ZNF565: variants seen among roughly 807,000 people sequenced by gnomAD.
The protein encoded by ZNF565 is zinc finger protein 565.
Under a neutral mutation model 39.4 loss-of-function variants are expected in ZNF565, and 27 were observed. The ratio of observed to expected loss-of-function variants is 0.69; its 90% confidence interval spans 0.51 to 0.95. The LOEUF is 0.95. Ranked by LOEUF, ZNF565 falls within the 40% of genes least tolerant of loss-of-function variation. The pLI is 0.00. For synonymous variants in ZNF565, 185 were observed against 216.6 expected (o/e 0.85, Z 1.28); for missense variants, 524 against 621.1 (o/e 0.84, Z 1.66).
chr19:36,240,837 T>C (rs1477298658), intron 1 of ZNF565, among the ~76,000 whole-genome samples: 2 of 150,672 alleles, frequency 1.3e-5, no homozygotes, highest in Non-Finnish European at 2.9e-5. Context: ...GCTACTGCAC[T>C]CCAGCCTGGG....
intron 4 of ZNF565, among the ~76,000 whole-genome samples, chr19:36,186,016 A>T: frequency 6.7e-6 from 1 of 148,222 alleles, no homozygotes; most frequent in African/African-American, 2.5e-5. Flanking sequence ...TTAATATTTG[A>T]CATGGGGTCT....
At chr19:36,227,308 G>C (rs935173001) in intron 1 of ZNF565, among the ~76,000 whole-genome samples, 27 of 150,372 alleles carry the variant, frequency 1.8e-4, no homozygotes, top group Non-Finnish European at 2.8e-4. Context: ...AGAATGGCTT[G>C]AACCCGGGAG....
At chr19:36,206,203 T>C (rs1437350062) in intron 1 of ZNF565, among the ~76,000 whole-genome samples, 2 of 151,976 alleles carry the variant, frequency 1.3e-5, no homozygotes, top group African/African-American at 4.8e-5. Context: ...TCAAGTGATA[T>C]CCCCACTTCA....
At chr19:36,190,914 C>T (rs531801481) in intron 4 of ZNF565, among the ~76,000 whole-genome samples, 16 of 150,812 alleles carry the variant, frequency 1.1e-4, no homozygotes, top group African/African-American at 3.7e-4. Flanking sequence ...ATTGCTTGAA[C>T]CTGGGAGGCT....
At chr19:36,197,279 AC>A (rs1446934376) in intron 2 of ZNF565, among the ~76,000 whole-genome samples, 1 of 151,634 alleles carries the variant, frequency 6.6e-6, no homozygotes, top group East Asian at 1.9e-4. Context: ...CTCAAAAAAA[AC>A]AAACAAACAA....
At chr19:36,210,605 T>A (rs905541640) in intron 1 of ZNF565, among the ~76,000 whole-genome samples, 30 of 151,964 alleles carry the variant, frequency 2.0e-4, no homozygotes, top group Middle Eastern at 3.4e-3. Flanking sequence ...TGAAGATATC[T>A]AACCTTGGTT....
chr19:36,225,892 C>T (rs1169505406), intron 1 of ZNF565, among the ~76,000 whole-genome samples: 1 of 151,250 alleles, frequency 6.6e-6, no homozygotes, highest in East Asian at 2.0e-4. Flanking sequence ...TCCCAAGTAG[C>T]TGGGACTACA....
chr19:36,188,526 A>G (rs1407324783), intron 4 of ZNF565, among the ~76,000 whole-genome samples: 1 of 151,980 alleles, frequency 6.6e-6, no homozygotes, highest in Admixed American at 6.6e-5. Context: ...AGCCTGGCCA[A>G]TGTGGCGAAA....
upstream of ZNF565, among the ~76,000 whole-genome samples, chr19:36,219,423 T>A (rs1399672731): frequency 6.6e-6 from 1 of 152,226 alleles, no homozygotes; most frequent in Non-Finnish European, 1.5e-5. Flanking sequence ...CTTTAGAAAG[T>A]CATCATTATC....
chr19:36,227,403 A>AC (rs1233072771), intron 1 of ZNF565, among the ~76,000 whole-genome samples: 1 of 151,254 alleles, frequency 6.6e-6, no homozygotes, highest in Non-Finnish European at 1.5e-5. Context: ...AAAAAAAAAA[A>AC]AGATTTTTTT....
chr19:36,186,158 G>A (rs1170772424), intron 4 of ZNF565, among the ~76,000 whole-genome samples: 2 of 151,994 alleles, frequency 1.3e-5, no homozygotes, highest in African/African-American at 2.4e-5. Context: ...TGCCACGCCC[G>A]GCCAATTTTT....
chr19:36,189,129 G>A (rs959671781), intron 4 of ZNF565, among the ~76,000 whole-genome samples: 1 of 151,380 alleles, frequency 6.6e-6, no homozygotes, highest in Non-Finnish European at 1.5e-5. Context: ...AAATGCCACT[G>A]AATTATCTAC....
intron 3 of ZNF565, 47 bp from the exon 4 acceptor site, chr19:36,194,375 C>T: frequency 1.4e-6 from 2 of 1,464,758 alleles, no homozygotes; most frequent in Non-Finnish European, 1.9e-6. Flanking sequence ...GCTCCAAAAT[C>T]CAAACCCAGT....
intron 1 of ZNF565, among the ~76,000 whole-genome samples, chr19:36,234,377 T>G (rs1977551190): frequency 6.6e-6 from 1 of 151,966 alleles, no homozygotes; most frequent in Admixed American, 6.6e-5. Context: ...AAAAGGGAGC[T>G]CTCCCATATA....
upstream of ZNF565, among the ~76,000 whole-genome samples, chr19:36,215,659 CTTTT>C (rs568945389): frequency 6.8e-6 from 1 of 148,076 alleles, no homozygotes; most frequent in African/African-American, 2.5e-5. Context: ...ATCACCGTGA[CTTTT>C]TTTTTTAATT....
chr19:36,224,584 A>G (rs139838139), intron 1 of ZNF565, among the ~76,000 whole-genome samples: 3 of 152,306 alleles, frequency 2.0e-5, no homozygotes, highest in Admixed American at 1.3e-4. Flanking sequence ...TTTGTGGTAT[A>G]GCTAGTCTCT....
chr19:36,212,276 A>G (rs778721100), intron 1 of ZNF565, among the ~76,000 whole-genome samples: 2 of 152,128 alleles, frequency 1.3e-5, no homozygotes, highest in Non-Finnish European at 2.9e-5. Context: ...TGTCTCTACT[A>G]AAAATACAAA....
At chr19:36,203,720 C>T (rs1054489645) in intron 1 of ZNF565, among the ~76,000 whole-genome samples, 9 of 152,154 alleles carry the variant, frequency 5.9e-5, no homozygotes, top group South Asian at 2.1e-4. Flanking sequence ...GGAGTACAGG[C>T]GCACACCACT....
intron 4 of ZNF565, among the ~76,000 whole-genome samples, chr19:36,186,172 T>C (rs1024375223): frequency 1.3e-5 from 2 of 152,090 alleles, no homozygotes; most frequent in African/African-American, 2.4e-5. Context: ...AATTTTTGTA[T>C]TTTTATTAGA....
Sources: allele counts gnomAD v4.1 joint callset (sites outside exome capture counted in the v4.1 genomes callset), GRCh38; gene constraint gnomAD v4.1.1; transcripts MANE v1.5; gene names NCBI Gene and HGNC (gene_info 2026-07-23, HGNC 2026-07-21).